Variants in LHFPL3 observed in about 807,000 individuals in gnomAD.
The protein encoded by LHFPL3 is LHFPL tetraspan subfamily member 3.
LHFPL3 carries 5 observed loss-of-function variants against 19.3 expected under a neutral mutation model. That is an observed-to-expected ratio of 0.26 (90% CI 0.14 to 0.54). The LOEUF is 0.54. LHFPL3 is among the 20% of genes least tolerant of loss of function. The pLI is 0.94. For synonymous variants in LHFPL3, 133 were observed against 126.2 expected (o/e 1.05, Z -0.36); for missense variants, 249 against 307.4 (o/e 0.81, Z 1.42).
At chr7:104,643,819 CA>C (rs1341053416) in intron 1 of LHFPL3, among the ~76,000 whole-genome samples, 1 of 152,164 alleles carries the variant, frequency 6.6e-6, no homozygotes. Flanking sequence ...GTAAAGCTTC[CA>C]AAAATGCCAG....
intron 2 of LHFPL3, among the ~76,000 whole-genome samples, chr7:104,762,083 T>C (rs962263821): frequency 6.6e-6 from 1 of 152,220 alleles, no homozygotes; most frequent in African/African-American, 2.4e-5. Flanking sequence ...CTCCCAGCGA[T>C]GCCAGTGTGT....
intron 1 of LHFPL3, among the ~76,000 whole-genome samples, chr7:104,434,588 A>G (rs1562896514): frequency 6.6e-6 from 1 of 152,232 alleles, no homozygotes; most frequent in Non-Finnish European, 1.5e-5. Context: ...CCACTTCACC[A>G]TGGCATATTT....
At chr7:104,693,129 A>G (rs1030935032) in intron 1 of LHFPL3, among the ~76,000 whole-genome samples, 17 of 152,314 alleles carry the variant, frequency 1.1e-4, no homozygotes, top group Admixed American at 2.6e-4. Flanking sequence ...TTTGATTTGC[A>G]TGGGGACTGT....
At chr7:104,601,333 A>G (rs1790962516) in intron 1 of LHFPL3, among the ~76,000 whole-genome samples, 2 of 152,088 alleles carry the variant, frequency 1.3e-5, no homozygotes, top group African/African-American at 4.8e-5. Context: ...TTAAGATCCA[A>G]ATTTATCTCT....
At chr7:104,519,589 G>C (rs1026353941) in intron 1 of LHFPL3, among the ~76,000 whole-genome samples, 1 of 152,110 alleles carries the variant, frequency 6.6e-6, no homozygotes, top group African/African-American at 2.4e-5. Flanking sequence ...TTGGTGGTTT[G>C]TTTGCTTAAT....
At chr7:104,654,498 C>T (rs1792088425) in intron 1 of LHFPL3, among the ~76,000 whole-genome samples, 1 of 152,106 alleles carries the variant, frequency 6.6e-6, no homozygotes, top group Admixed American at 6.6e-5. Context: ...ACTCAAATAG[C>T]TGCATGACCT....
At chr7:104,505,573 TTTTG>T (rs1228412391) in intron 1 of LHFPL3, among the ~76,000 whole-genome samples, 8 of 152,198 alleles carry the variant, frequency 5.3e-5, no homozygotes, top group African/African-American at 1.7e-4. Context: ...GACTGAGTTG[TTTTG>T]TTTGATAGGA....
chr7:104,334,701 A>G (rs542812271), intron 1 of LHFPL3, among the ~76,000 whole-genome samples: 32 of 152,284 alleles, frequency 2.1e-4, no homozygotes, highest in African/African-American at 7.2e-4. Context: ...TTGTGACTTG[A>G]CACCCTAATT....
intron 1 of LHFPL3, among the ~76,000 whole-genome samples, chr7:104,512,698 T>G (rs1192587936): frequency 1.3e-5 from 2 of 151,318 alleles, no homozygotes; most frequent in East Asian, 1.9e-4. Flanking sequence ...ATGGTGCCAC[T>G]GCACTCCAGC....
At chr7:104,501,851 A>C (rs1184281600) in intron 1 of LHFPL3, among the ~76,000 whole-genome samples, 19 of 152,262 alleles carry the variant, frequency 1.2e-4, no homozygotes, top group Admixed American at 1.2e-3. Context: ...CGATTGAATT[A>C]GCAGTAGCAT....
At chr7:104,475,135 T>C (rs1162970571) in intron 1 of LHFPL3, among the ~76,000 whole-genome samples, 3 of 152,214 alleles carry the variant, frequency 2.0e-5, no homozygotes, top group Non-Finnish European at 4.4e-5. Context: ...AGCTATTCAT[T>C]TACTAAGTTC....
chr7:104,723,196 AT>A (rs1388197951), intron 1 of LHFPL3, among the ~76,000 whole-genome samples: 2 of 152,156 alleles, frequency 1.3e-5, no homozygotes, highest in African/African-American at 4.8e-5. Context: ...TTTGTGTACT[AT>A]TTCAGAAGAG....
intron 1 of LHFPL3, among the ~76,000 whole-genome samples, chr7:104,430,301 T>C (rs1490079149): frequency 2.1e-5 from 3 of 144,852 alleles, no homozygotes; most frequent in African/African-American, 7.5e-5. Context: ...ACCTCTTTCT[T>C]CTAAAGCCTG....
chr7:104,547,769 A>G (rs554403338), intron 1 of LHFPL3, among the ~76,000 whole-genome samples: 12 of 152,236 alleles, frequency 7.9e-5, no homozygotes, highest in African/African-American at 2.9e-4. Context: ...ATAGAGATGT[A>G]TGCTCTTCCA....
chr7:104,687,909 GA>G (rs781661582), intron 1 of LHFPL3, among the ~76,000 whole-genome samples: 15 of 152,120 alleles, frequency 9.9e-5, no homozygotes, highest in Non-Finnish European at 2.2e-4. Context: ...TCGCATTATA[GA>G]AAAATACAGA....
intron 2 of LHFPL3, among the ~76,000 whole-genome samples, chr7:104,757,242 A>G (rs1487462145): frequency 2.0e-5 from 3 of 152,220 alleles, no homozygotes; most frequent in African/African-American, 7.2e-5. Context: ...TAAGGCCTCA[A>G]ACTATAAAAT....
chr7:104,900,511 G>A (rs922957211), intron 2 of LHFPL3, among the ~76,000 whole-genome samples: 3 of 152,206 alleles, frequency 2.0e-5, no homozygotes, highest in African/African-American at 7.2e-5. Flanking sequence ...ATCTGCATAA[G>A]TAGCTAGAAT....
rs74583671 is a variant in LHFPL3, at chr7:104,328,917, C to T, written c.138C>T (p.Cys46=). The change falls in exon 1 of 3, where the codon TGC becomes TGT. Residue 46 remains cysteine (C), a synonymous_variant. Transcript: ENST00000424859. The surrounding 1 kb of genome is among the most constrained non-coding windows in gnomAD (Gnocchi z 4.6). The part of the protein sequence containing the change: ...IGVLWAIFTI[C]FAIVNVVCFI... ...TGCTGTGGGCCATCTTCACCATCTG[C>T]TTTGCCATCGTCAACGTGGTGTGCT... is the stretch of plus-strand genomic sequence containing the variant. The T allele has an allele frequency of 8.6e-3, 13,952 of 1,614,174 alleles. 1,041 individuals are homozygous for T. The African/African-American group carries it at 0.16, about 19-fold the overall frequency.
chr7:104,520,872 AT>A (rs1263179560), intron 1 of LHFPL3, among the ~76,000 whole-genome samples: 2 of 148,504 alleles, frequency 1.3e-5, no homozygotes, highest in Admixed American at 6.8e-5. Context: ...CGGTCTATCA[AT>A]TTTGTTGATC....
Sources: gnomAD v4.1 joint callset for allele counts (sites outside exome capture counted in the v4.1 genomes callset) on GRCh38, gnomAD v4.1.1 for gene constraint, Gnocchi (gnomAD v3.1) non-coding constraint, MANE v1.5 for transcripts, NCBI Gene and HGNC (gene_info 2026-07-23, HGNC 2026-07-21) for gene names.